The following PRR16 variants were observed in gnomAD, a reference collection of about 807,000 sequenced individuals.
PRR16 encodes the protein proline rich 16.
PRR16 carries 6 observed loss-of-function variants against 18.2 expected under a neutral mutation model. The ratio of observed to expected loss-of-function variants is 0.33; its 90% CI spans 0.18 to 0.65. PRR16 has a LOEUF of 0.65. PRR16 is among the 30% of genes least tolerant of loss of function. The pLI, the probability that PRR16 is intolerant of heterozygous loss-of-function variation, is 0.74. For missense variants in PRR16, 412 were observed against 376.6 expected, an observed-to-expected ratio of 1.09 and a Z score of -0.78; for synonymous variants, 151 against 147.8, an observed-to-expected ratio of 1.02 and a Z score of -0.16.
rs142528526 is a variant in PRR16 at position 120,562,338 on chromosome 5, T to G, written c.159+97693T>G. On this transcript the variant is annotated intron_variant, in intron 1 of 1. Coordinates refer to ENST00000407149, the MANE Select transcript of PRR16 (RefSeq NM_001300783.2). ...GTTTCCATTGTCATGGAACATTTTT[T>G]ATCATCCCTTTATTTTCAGTCCATG... Among the ~76,000 whole-genome samples, 459 of 152,272 alleles carry G rather than the reference T, an allele frequency of 3.0e-3. 1 individual carries two copies. The highest frequency in any genetic ancestry group is 0.011 in the African/African-American group (441 of 41,576).
At chr5:120,728,416 A>G in the PRR16 span, among the ~76,000 whole-genome samples, 1 of 151,778 alleles carries the variant, frequency 6.6e-6, no homozygotes, top group African/African-American at 2.4e-5. Context: ...GTTTTCTATT[A>G]AGGAGAGAAT....
the PRR16 span, chr5:120,790,459 A>C: frequency 6.6e-6 from 1 of 152,156 alleles, no homozygotes; most frequent in South Asian, 2.1e-4. Context: ...AAATATGTAG[A>C]CAAAAAGAAA....
intron 1 of PRR16, among the ~76,000 whole-genome samples, chr5:120,544,181 T>G (rs1274158044): frequency 6.6e-6 from 1 of 152,094 alleles, no homozygotes; most frequent in Non-Finnish European, 1.5e-5. Context: ...ACCCAGAGAA[T>G]CCATGCTCTT....
At chr5:120,644,101 T>A (rs73784827) in intron 1 of PRR16, among the ~76,000 whole-genome samples, 2,391 of 152,172 alleles carry the variant, frequency 0.016, 68 homozygotes, top group African/African-American at 0.054. Context: ...AAACTGTTCC[T>A]TCTCTTACTA....
intron 1 of PRR16, among the ~76,000 whole-genome samples, chr5:120,593,920 G>A (rs1000300495): frequency 6.6e-6 from 1 of 152,074 alleles, no homozygotes; most frequent in African/African-American, 2.4e-5. Flanking sequence ...AATCTCAGTA[G>A]ATGTAGAAAA....
At chr5:120,527,166 G>A (rs1751399294) in intron 1 of PRR16, among the ~76,000 whole-genome samples, 1 of 152,152 alleles carries the variant, frequency 6.6e-6, no homozygotes, top group Non-Finnish European at 1.5e-5. Flanking sequence ...TAGGCTTTGT[G>A]TCTGAGAGGC....
chr5:120,737,117 C>T, the PRR16 span, among the ~76,000 whole-genome samples: 1 of 152,004 alleles, frequency 6.6e-6, no homozygotes, highest in Non-Finnish European at 1.5e-5. Flanking sequence ...TTTTTCTTTG[C>T]CTAACTGCTC....
the PRR16 span, among the ~76,000 whole-genome samples, chr5:120,702,186 G>T: frequency 3.3e-5 from 5 of 151,104 alleles, no homozygotes; most frequent in African/African-American, 1.2e-4. Context: ...GAGATAAGAG[G>T]TTGGGGTGTG....
the PRR16 span, among the ~76,000 whole-genome samples, chr5:120,750,526 G>C: frequency 6.6e-6 from 1 of 151,884 alleles, no homozygotes; most frequent in Non-Finnish European, 1.5e-5. Context: ...AATTAGCCCA[G>C]TGTGGTGGCG....
the PRR16 span, among the ~76,000 whole-genome samples, chr5:120,702,684 T>C: frequency 6.6e-6 from 1 of 152,138 alleles, no homozygotes; most frequent in Non-Finnish European, 1.5e-5. Context: ...AAAACGTGTC[T>C]TCTTTGTCTC....
intron 1 of PRR16, among the ~76,000 whole-genome samples, chr5:120,504,904 A>G (rs904126209): frequency 1.3e-5 from 2 of 152,150 alleles, no homozygotes; most frequent in African/African-American, 2.4e-5. Context: ...AATGCCTTGC[A>G]TCTTCAAGGA....
chr5:120,746,874 G>T, the PRR16 span, among the ~76,000 whole-genome samples: 2 of 151,992 alleles, frequency 1.3e-5, no homozygotes, highest in Non-Finnish European at 2.9e-5. Flanking sequence ...CTCTTCATCG[G>T]GAGTCACAGG....
At chr5:120,547,443 C>A (rs923727190) in intron 1 of PRR16, among the ~76,000 whole-genome samples, 1 of 152,114 alleles carries the variant, frequency 6.6e-6, no homozygotes, top group Admixed American at 6.6e-5. Context: ...GAATCCCATA[C>A]ACTCATGGCC....
At position 120,599,327 on chromosome 5, in the gene PRR16, C is replaced by T. The variant is rs756947950; in HGVS notation, c.160-86627C>T. ...CTAAACTTATAAATTTTGCATTCTC[C>T]CTAACGAAAAAATTTCTATTACTGT... is the stretch of plus-strand genomic sequence containing the variant. On this transcript the variant is annotated intron_variant, in intron 1 of 1. Coordinates refer to ENST00000407149, the MANE Select transcript of PRR16 (RefSeq NM_001300783.2). 2.9e-4 allele frequency among the ~76,000 whole-genome samples: 44 copies of T among 151,654 alleles called. 1 individual carries two copies. Among genetic ancestry groups the T allele is most frequent in the Non-Finnish European group, 2.2e-4 (15 of 67,830 alleles).
At chr5:120,694,501 G>A in the PRR16 span, among the ~76,000 whole-genome samples, 4 of 151,892 alleles carry the variant, frequency 2.6e-5, no homozygotes, top group Non-Finnish European at 5.9e-5. Flanking sequence ...TGGCTAACAC[G>A]GTGAAACCCC....
intron 1 of PRR16, among the ~76,000 whole-genome samples, chr5:120,472,226 G>A (rs1422048305): frequency 6.6e-6 from 1 of 152,054 alleles, no homozygotes; most frequent in Non-Finnish European, 1.5e-5. Context: ...ATCCTTGTCT[G>A]GAAAAAGAAA....
chr5:120,702,739 G>A, the PRR16 span, among the ~76,000 whole-genome samples: 3 of 152,160 alleles, frequency 2.0e-5, no homozygotes, highest in Non-Finnish European at 2.9e-5. Flanking sequence ...GGGAGAGGTT[G>A]AAGAGTGGAA....
chr5:120,599,206 C>T (rs1220915890), intron 1 of PRR16, among the ~76,000 whole-genome samples: 1 of 151,668 alleles, frequency 6.6e-6, no homozygotes, highest in Non-Finnish European at 1.5e-5. Flanking sequence ...AATTTGGAAG[C>T]CATGTGGGCT....
the PRR16 span, among the ~76,000 whole-genome samples, chr5:120,745,998 C>T: frequency 1.3e-5 from 2 of 151,910 alleles, no homozygotes; most frequent in Non-Finnish European, 2.9e-5. Context: ...AGGTGTGAAC[C>T]ACCACGTGTG....
Sources: allele counts gnomAD v4.1 joint callset (sites outside exome capture counted in the v4.1 genomes callset), GRCh38; gene constraint gnomAD v4.1.1; transcripts MANE v1.5; gene names NCBI Gene and HGNC (gene_info 2026-07-23, HGNC 2026-07-21).